The following CDH13 variants were observed in gnomAD, a reference collection of about 807,000 sequenced individuals.
CDH13 encodes the protein cadherin-13.
CDH13 carries 24 observed loss-of-function variants against 63.8 expected under a neutral mutation model. The ratio of observed to expected loss-of-function variants is 0.38; its 90% CI spans 0.27 to 0.53. The LOEUF (loss-of-function observed/expected upper bound fraction) is 0.53, where lower values mean the gene tolerates loss of function less well. CDH13 is among the 20% of genes least tolerant of loss of function. CDH13 has a pLI of 0.85. For synonymous variants in CDH13, 503 were observed against 355.3 expected, an observed-to-expected ratio of 1.42 and a Z score of -4.67; for missense variants, 1,049 against 903.1, an observed-to-expected ratio of 1.16 and a Z score of -2.07.
intron 5 of CDH13, among the ~76,000 whole-genome samples, chr16:83,244,804 A>G (rs1324167290): frequency 6.6e-6 from 1 of 152,178 alleles, no homozygotes; most frequent in East Asian, 1.9e-4. Context: ...AGTGACAACG[A>G]GTATAAAATG....
At chr16:83,277,595 C>T (rs1218851058) in intron 5 of CDH13, among the ~76,000 whole-genome samples, 1 of 152,052 alleles carries the variant, frequency 6.6e-6, no homozygotes, top group Non-Finnish European at 1.5e-5. Context: ...TGCGTTCATC[C>T]CTCTCATATC....
At chr16:83,054,320 C>G (rs372507135) in intron 3 of CDH13, among the ~76,000 whole-genome samples, 2 of 152,228 alleles carry the variant, frequency 1.3e-5, no homozygotes, top group South Asian at 2.1e-4. Flanking sequence ...AAAACAATAA[C>G]GAATAGTAAA....
intron 1 of CDH13, among the ~76,000 whole-genome samples, chr16:82,765,314 C>T (rs2035013591): frequency 6.6e-6 from 1 of 152,136 alleles, no homozygotes; most frequent in African/African-American, 2.4e-5. Context: ...AGGGATTGCT[C>T]GTAAAGATAC....
At chr16:82,777,357 G>T (rs1171648717) in intron 1 of CDH13, among the ~76,000 whole-genome samples, 2 of 152,188 alleles carry the variant, frequency 1.3e-5, no homozygotes, top group Non-Finnish European at 2.9e-5. Context: ...ATATGCTATA[G>T]AAAACTAAAC....
intron 1 of CDH13, among the ~76,000 whole-genome samples, chr16:82,818,105 C>T (rs2037813199): frequency 7.1e-6 from 1 of 140,712 alleles, no homozygotes; most frequent in African/African-American, 2.8e-5. Flanking sequence ...TTCACTCATA[C>T]ATGTATGGTT....
At chr16:83,131,727 A>C (rs891290137) in intron 4 of CDH13, among the ~76,000 whole-genome samples, 2 of 152,132 alleles carry the variant, frequency 1.3e-5, no homozygotes, top group African/African-American at 4.8e-5. Flanking sequence ...TTCATCACAA[A>C]CCCTTTTCAT....
intron 2 of CDH13, among the ~76,000 whole-genome samples, chr16:82,891,467 G>A (rs2041079396): frequency 6.6e-6 from 1 of 152,164 alleles, no homozygotes; most frequent in South Asian, 2.1e-4. Context: ...TCAACACATT[G>A]TTGAAAATAC....
At chr16:83,617,977 A>T (rs1909436448) in intron 8 of CDH13, among the ~76,000 whole-genome samples, 1 of 152,220 alleles carries the variant, frequency 6.6e-6, no homozygotes, top group Non-Finnish European at 1.5e-5. Flanking sequence ...TTAGAATGTA[A>T]GCTCCTCAAG....
intron 4 of CDH13, among the ~76,000 whole-genome samples, chr16:83,191,526 C>T (rs1329732928): frequency 8.1e-4 from 82 of 101,684 alleles, no homozygotes; most frequent in African/African-American, 1.9e-3. Flanking sequence ...CACACACACA[C>T]ACACATATAT....
intron 3 of CDH13, among the ~76,000 whole-genome samples, chr16:83,124,992 A>C (rs2035746180): frequency 6.6e-6 from 1 of 152,242 alleles, no homozygotes; most frequent in Admixed American, 6.5e-5. Context: ...GATTTGTTAT[A>C]AAACCAATTC....
intron 2 of CDH13, among the ~76,000 whole-genome samples, chr16:82,916,036 T>A (rs1213534835): frequency 6.6e-6 from 1 of 152,094 alleles, no homozygotes; most frequent in Non-Finnish European, 1.5e-5. Context: ...TAATTCATAT[T>A]TAAAATATCA....
At chr16:83,117,323 G>A (rs944178699) in intron 3 of CDH13, among the ~76,000 whole-genome samples, 8 of 152,096 alleles carry the variant, frequency 5.3e-5, no homozygotes, top group South Asian at 2.1e-4. Context: ...CTGAAGCTCC[G>A]CCATGCCCGG....
At chr16:82,799,731 A>T (rs1418856525) in intron 1 of CDH13, among the ~76,000 whole-genome samples, 1 of 152,188 alleles carries the variant, frequency 6.6e-6, no homozygotes, top group African/African-American at 2.4e-5. Context: ...AATAGAAAAA[A>T]ATATATTTGT....
chr16:83,330,834 C>A (rs1038772440), intron 5 of CDH13, among the ~76,000 whole-genome samples: 1 of 152,156 alleles, frequency 6.6e-6, no homozygotes, highest in Non-Finnish European at 1.5e-5. Flanking sequence ...GAATGAGTTT[C>A]AGATTCCTGC....
chr16:82,844,620 A>G (rs1406967318), intron 1 of CDH13: 3 of 142,248 alleles, frequency 2.1e-5, no homozygotes, highest in African/African-American at 7.6e-5. Flanking sequence ...AAAAAAAAAG[A>G]ACTATAAGGT....
At chr16:83,657,685 C>T (rs903832485) in intron 8 of CDH13, among the ~76,000 whole-genome samples, 1 of 152,328 alleles carries the variant, frequency 6.6e-6, no homozygotes, top group Admixed American at 6.5e-5. Flanking sequence ...GAGATGACCT[C>T]CAGGAGACTG....
intron 2 of CDH13, among the ~76,000 whole-genome samples, chr16:83,015,720 T>G (rs1199790122): frequency 5.7e-5 from 7 of 121,976 alleles, no homozygotes; most frequent in African/African-American, 2.3e-4. Flanking sequence ...TATATATATA[T>G]ATAAAGAAAA....
At chr16:83,270,797 GT>G in intron 5 of CDH13, among the ~76,000 whole-genome samples, 1 of 150,210 alleles carries the variant, frequency 6.7e-6, no homozygotes, top group Middle Eastern at 3.5e-3. Flanking sequence ...TGCTTTTTTT[GT>G]TGTTAGTGTC....
At chr16:83,203,276 A>G (rs2039085329) in intron 4 of CDH13, among the ~76,000 whole-genome samples, 2 of 152,108 alleles carry the variant, frequency 1.3e-5, no homozygotes, top group African/African-American at 4.8e-5. Context: ...TTTGTGTACT[A>G]TGTTCACTAT....
Sources: allele counts gnomAD v4.1 joint callset (sites outside exome capture counted in the v4.1 genomes callset), GRCh38; gene constraint gnomAD v4.1.1; transcripts MANE v1.5; gene names NCBI Gene and HGNC (gene_info 2026-07-23, HGNC 2026-07-21).